The following PDE4DIP variants were observed in gnomAD, a reference collection of about 807,000 sequenced individuals.
The protein encoded by PDE4DIP is myomegalin.
In PDE4DIP, 59 loss-of-function variants were observed where a neutral mutation model predicts 221.4. The ratio of observed to expected loss-of-function variants is 0.27; its 90% CI spans 0.22 to 0.33. PDE4DIP has a LOEUF of 0.33. PDE4DIP is among the 10% of genes least tolerant of loss of function. PDE4DIP has a pLI of 1.00. For missense variants in PDE4DIP, 1,036 were observed against 2,154.2 expected (o/e 0.48, Z 10.28); for synonymous variants, 404 against 815.9 (o/e 0.50, Z 8.60).
Position 148,891,854 on chromosome 1 carries a change from C to T in PDE4DIP, c.141+1960C>T, listed in dbSNP as rs1272896042. On this transcript the variant is annotated intron_variant, in intron 1 of 43. Transcript: ENST00000369354. ...TTGGTAACAGAGAGATGGCGAGAGA[C>T]GGAGGATGAGTGGGAGGTTTTGCCT... Among the ~76,000 whole-genome samples, 9 of 26,604 alleles carry T rather than the reference C, an allele frequency of 3.4e-4. 1 individual carries two copies. Among genetic ancestry groups the T allele is most frequent in the East Asian group, 3.9e-3 (1 of 258 alleles). The allele number at this position is 26,604 out of a possible 152,430, so 17.5% of individuals were successfully genotyped here.
rs1553444875 is a variant in PDE4DIP at position 148,898,900 on chromosome 1, C to T, written c.141+9006C>T. On this transcript the variant is annotated intron_variant, in intron 1 of 43. Transcript: ENST00000369354. ...AGGCTGGAGTGCAGTGGCATGATCT[C>T]GGCTCACTGCAACCTCCGTCTCCTG... Among the ~76,000 whole-genome samples, 23 of 112,640 alleles carry T rather than the reference C, an allele frequency of 2.0e-4. 4 individuals are homozygous for T. The highest frequency in any genetic ancestry group is 1.9e-4 in the Admixed American group (2 of 10,780). 73.9% of individuals were successfully genotyped at this position (112,640 alleles called of 152,430 possible). A position where few individuals can be genotyped will look rare whatever the true frequency, so the allele number is the denominator to read the frequency against.
intron 1 of PDE4DIP, among the ~76,000 whole-genome samples, chr1:148,892,101 G>C (rs1396681350): frequency 8.5e-6 from 1 of 117,030 alleles, no homozygotes; most frequent in Non-Finnish European, 1.7e-5. Context: ...TCCGCCTCCT[G>C]GGTTCAAGCG....
chr1:148,876,962 C>T (rs10752803), intron 3 of PDE4DIP, among the ~76,000 whole-genome samples: 11 of 141,140 alleles, frequency 7.8e-5, no homozygotes, highest in African/African-American at 2.1e-4. Flanking sequence ...TGCAGTGAGC[C>T]GAGATTGCCA....
intron 21 of PDE4DIP, chr1:148,982,726 C>A (rs2061318112): frequency 6.6e-6 from 1 of 152,120 alleles, no homozygotes; most frequent in African/African-American, 2.4e-5. Flanking sequence ...GGGATTGAGG[C>A]TTTCTAGCAC....
chr1:148,983,233 TACA>T (rs1332474012), intron 21 of PDE4DIP: 4 of 152,116 alleles, frequency 2.6e-5, no homozygotes, highest in East Asian at 1.9e-4. Flanking sequence ...GTCGTGTCAT[TACA>T]ACAAGGCATT....
At chr1:148,915,902 G>A (rs1366581277) in intron 1 of PDE4DIP, among the ~76,000 whole-genome samples, 3 of 145,920 alleles carry the variant, frequency 2.1e-5, no homozygotes, top group Non-Finnish European at 4.5e-5. Flanking sequence ...CTGCCCAGTG[G>A]TTTTGCTTCA....
chr1:148,949,753 G>A (rs2052684608), intron 5 of PDE4DIP, among the ~76,000 whole-genome samples: 1 of 152,072 alleles, frequency 6.6e-6, no homozygotes, highest in Non-Finnish European at 1.5e-5. Flanking sequence ...ATTTTATAAT[G>A]CCAAATGCTC....
intron 1 of PDE4DIP, among the ~76,000 whole-genome samples, chr1:148,861,406 A>G (rs1323161350): frequency 4.4e-5 from 1 of 22,762 alleles, no homozygotes; most frequent in African/African-American, 2.2e-4. Flanking sequence ...TGGGAGGCCG[A>G]GGCGGGCGGA....
Position 148,980,290 on chromosome 1 carries a change from G to C in PDE4DIP, c.2687+441G>C, listed in dbSNP as rs782804192. 1.4e-4 allele frequency among the ~76,000 whole-genome samples: 22 copies of C among 152,144 alleles called. No individual in the cohort carries two copies. The South Asian group carries it at 2.3e-3, about 16-fold the overall frequency. ...GCCTGTAGTCCCAGCTACTCGGGAA[G>C]CTGAGGCAGGAGACACACTTGAACC... On this transcript the variant is annotated intron_variant, in intron 20 of 43. Coordinates refer to ENST00000369354, the Ensembl canonical transcript of PDE4DIP.
chr1:148,949,514 C>T (rs587760767), intron 5 of PDE4DIP, among the ~76,000 whole-genome samples: 187 of 151,844 alleles, frequency 1.2e-3, no homozygotes, highest in African/African-American at 4.3e-3. Context: ...AATAAACATT[C>T]ATTGTCCAAA....
intron 5 of PDE4DIP, among the ~76,000 whole-genome samples, chr1:148,954,640 T>G (rs2054690003): frequency 6.6e-6 from 1 of 152,218 alleles, no homozygotes; most frequent in African/African-American, 2.4e-5. Context: ...ATTAACCCAT[T>G]ATTGGATCAG....
chr1:148,948,012 C>T (rs1168783402), intron 5 of PDE4DIP, among the ~76,000 whole-genome samples: 1 of 150,402 alleles, frequency 6.6e-6, no homozygotes, highest in African/African-American at 2.5e-5. Flanking sequence ...TTAACAAGCC[C>T]TCCAGGTGAT....
At chr1:148,969,095 C>G (rs1324715309) in intron 14 of PDE4DIP, 65 bp downstream of exon 17, 7 of 1,067,008 alleles carry the variant, frequency 6.6e-6, no homozygotes, top group Non-Finnish European at 1.0e-5. Context: ...AAATAGGAAG[C>G]ATTTGCAGAC....
chr1:148,927,847 C>T (rs2150398217), intron 1 of PDE4DIP, among the ~76,000 whole-genome samples: 2 of 152,248 alleles, frequency 1.3e-5, no homozygotes, highest in South Asian at 2.1e-4. Context: ...TCCTTAGGTT[C>T]CCCTACAAAC....
intron 18 of PDE4DIP, 104 bp downstream of exon 21, chr1:148,978,157 A>G (rs1217523389): frequency 1.5e-6 from 2 of 1,309,586 alleles, no homozygotes; most frequent in Admixed American, 1.8e-5. Flanking sequence ...TTGGCCAGTG[A>G]TTATCCATAT....
chr1:148,930,216 A>G (rs1445445463), intron 2 of PDE4DIP: 1 of 152,118 alleles, frequency 6.6e-6, no homozygotes, highest in Non-Finnish European at 1.5e-5. Context: ...TTAATGTACA[A>G]AAATCAGTAG....
At chr1:148,969,927 G>A (rs1574566935) in intron 14 of PDE4DIP, among the ~76,000 whole-genome samples, 1 of 152,042 alleles carries the variant, frequency 6.6e-6, no homozygotes, top group African/African-American at 2.4e-5. Context: ...GCTGGCTTAC[G>A]ATTCCTGGCC....
chr1:148,988,390 T>A (rs2062310156), intron 21 of PDE4DIP, among the ~76,000 whole-genome samples: 1 of 113,104 alleles, frequency 8.8e-6, no homozygotes, highest in Admixed American at 9.8e-5. Flanking sequence ...TTCACAACAG[T>A]ATGGAGTGGG....
At chr1:149,029,248 C>T (rs1420398889) in intron 41 of PDE4DIP, among the ~76,000 whole-genome samples, 1 of 152,198 alleles carries the variant, frequency 6.6e-6, no homozygotes, top group Non-Finnish European at 1.5e-5. Context: ...GGCAGACCCT[C>T]ATGTAGGCAG....
Sources: gnomAD v4.1 joint callset for allele counts (sites outside exome capture counted in the v4.1 genomes callset) on GRCh38, gnomAD v4.1.1 for gene constraint, MANE v1.5 for transcripts, NCBI Gene and HGNC (gene_info 2026-07-23, HGNC 2026-07-21) for gene names.